SHROOM3: variants seen among roughly 807,000 people sequenced by gnomAD.
The protein encoded by SHROOM3 is shroom family member 3.
In SHROOM3, 47 loss-of-function variants were observed where a neutral mutation model predicts 138.6. The ratio of observed to expected loss-of-function variants is 0.34; its 90% CI spans 0.27 to 0.43. The LOEUF is 0.43. Among genes scored for constraint, SHROOM3 ranks in the 20% least tolerant of loss-of-function variants. SHROOM3 has a pLI of 1.00. For missense variants in SHROOM3, 2,491 were observed against 2,596.5 expected (o/e 0.96, Z 0.88); for synonymous variants, 1,062 against 1,063.3 (o/e 1.00, Z 0.02).
At chr4:76,451,760 C>T (rs147431585) in intron 1 of SHROOM3, among the ~76,000 whole-genome samples, 1 of 152,120 alleles carries the variant, frequency 6.6e-6, no homozygotes, top group African/African-American at 2.4e-5. Context: ...ATTGGAAGCA[C>T]AAAACAAAAT....
chr4:76,661,374 C>A (rs1363107030), intron 2 of SHROOM3, among the ~76,000 whole-genome samples: 1 of 152,052 alleles, frequency 6.6e-6, no homozygotes, highest in African/African-American at 2.4e-5. Context: ...GGAATACAAG[C>A]GCCCGCCACC....
chr4:76,764,443 T>C (rs1027919698), intron 9 of SHROOM3, among the ~76,000 whole-genome samples: 3 of 152,246 alleles, frequency 2.0e-5, no homozygotes, highest in Non-Finnish European at 4.4e-5. Flanking sequence ...GATCACTGGT[T>C]CTCAGCTGCC....
chr4:76,729,507 G>C (rs574261330), intron 3 of SHROOM3, among the ~76,000 whole-genome samples: 1 of 152,300 alleles, frequency 6.6e-6, no homozygotes, highest in South Asian at 2.1e-4. Flanking sequence ...TGAAGTATAT[G>C]TTTGTGTTTT....
intron 2 of SHROOM3, among the ~76,000 whole-genome samples, chr4:76,588,902 A>C (rs1380540445): frequency 1.8e-5 from 1 of 56,706 alleles, no homozygotes; most frequent in Non-Finnish European, 3.5e-5. Context: ...AAAAATAAAC[A>C]AAAAAAAAAT....
chr4:76,653,224 C>A (rs1317414665), intron 2 of SHROOM3, among the ~76,000 whole-genome samples: 1 of 152,060 alleles, frequency 6.6e-6, no homozygotes, highest in Non-Finnish European at 1.5e-5. Flanking sequence ...ATATTGAATT[C>A]TTCCATGTGC....
chr4:76,712,603 G>A (rs1280796579), intron 3 of SHROOM3, among the ~76,000 whole-genome samples: 1 of 152,196 alleles, frequency 6.6e-6, no homozygotes, highest in Non-Finnish European at 1.5e-5. Context: ...ATGTCTGTAT[G>A]GAGAACATAA....
intron 9 of SHROOM3, among the ~76,000 whole-genome samples, chr4:76,767,213 A>T (rs1722185327): frequency 6.6e-6 from 1 of 152,168 alleles, no homozygotes; most frequent in African/African-American, 2.4e-5. Flanking sequence ...CCACCCCTGC[A>T]GTGTTGCTGA....
Position 76,543,995 on chromosome 4 carries a change from T to TCGTGGATTTCAATA in SHROOM3, c.169-11612_169-11599dup, listed in dbSNP as rs527665358. Among the ~76,000 whole-genome samples the TCGTGGATTTCAATA allele has an allele frequency of 1.2e-4, 19 of 152,342 alleles. No individual in the cohort carries two copies. In the South Asian group the frequency reaches 3.9e-3, roughly 32 times the overall value. On this transcript the variant is annotated intron_variant, in intron 1 of 10. Transcript: ENST00000296043. ...CACTAGTGCCCTAAGTCTTCTCTAA[T>TCGTGGATTTCAATA]CGTGGATTTCAATACCATTATCCTC...
At chr4:76,590,742 A>C (rs373528323) in intron 2 of SHROOM3, among the ~76,000 whole-genome samples, 12 of 152,060 alleles carry the variant, frequency 7.9e-5, no homozygotes, top group African/African-American at 1.9e-4. Flanking sequence ...TTGGAAAAGA[A>C]TGGAGGTGAA....
At chr4:76,688,498 G>A (rs1439940613) in intron 2 of SHROOM3, 1 of 985,166 alleles carries the variant, frequency 1.0e-6, no homozygotes, top group African/African-American at 1.7e-5. Flanking sequence ...CAGGGATTCT[G>A]CTTGAATGAG....
intron 1 of SHROOM3, among the ~76,000 whole-genome samples, chr4:76,516,493 C>G (rs539481572): frequency 1.9e-4 from 29 of 152,174 alleles, no homozygotes; most frequent in African/African-American, 6.5e-4. Context: ...TAAGCCCCTA[C>G]TCAGGAGCCT....
In SHROOM3 at chr4:76,435,312, G is replaced by A. The variant is rs1730540770; in HGVS notation, c.-741G>A. The A allele has an allele frequency of 6.6e-6, 1 of 152,204 alleles. No homozygotes were observed. Among genetic ancestry groups the A allele is most frequent in the Admixed American group, 6.5e-5 (1 of 15,284 alleles). The allele number at this position is 152,204 out of a possible 1,614,324, so 9.4% of individuals were successfully genotyped here. A position where few individuals can be genotyped will look rare whatever the true frequency, so the allele number is the denominator to read the frequency against. Reference sequence around the variant, plus strand: ...ACTGAAAATACCAAAGAAAAGAACTGAGCTGCCTCCTTCATATTTTTTCCA... The same window carrying A: ...ACTGAAAATACCAAAGAAAAGAACTAAGCTGCCTCCTTCATATTTTTTCCA... On this transcript the variant is annotated 5_prime_UTR_variant, in exon 1 of 11. Transcript: ENST00000296043.
At chr4:76,658,525 G>A (rs561111658) in intron 2 of SHROOM3, among the ~76,000 whole-genome samples, 1 of 152,280 alleles carries the variant, frequency 6.6e-6, no homozygotes, top group South Asian at 2.1e-4. Flanking sequence ...GGATAAACTA[G>A]ACAAACTGTT....
At chr4:76,567,171 T>C (rs1306468647) in intron 2 of SHROOM3, among the ~76,000 whole-genome samples, 2 of 152,160 alleles carry the variant, frequency 1.3e-5, no homozygotes, top group African/African-American at 4.8e-5. Context: ...GGTTAGTGTG[T>C]TTATTGTTTA....
In SHROOM3 at chr4:76,759,587, T is replaced by C. The variant is rs745952220; in HGVS notation, c.5241T>C (p.Pro1747=). Residue 1747 remains proline (P), a synonymous_variant, in exon 9 of 11, where the codon CCT becomes CCC. Transcript: ENST00000296043. ...KEAVSMLVNC[P]AYYSVSAPKA... ...CAGTGAGCATGTTGGTTAACTGCCC[T>C]GCCTACTACAGTGTGTCTGCTCCCA... is the stretch of plus-strand genomic sequence containing the variant. 8.1e-6 allele frequency: 13 copies of C among 1,614,104 alleles called. No individual in the cohort carries two copies. Among genetic ancestry groups the C allele is most frequent in the Non-Finnish European group, 1.1e-5 (13 of 1,180,036 alleles).
intron 6 of SHROOM3, among the ~76,000 whole-genome samples, chr4:76,752,216 G>A (rs1464725165): frequency 6.6e-6 from 1 of 152,160 alleles, no homozygotes; most frequent in African/African-American, 2.4e-5. Context: ...AAGACATACT[G>A]TATAATTTCA....
chr4:76,771,777 C>T (rs1388281891), intron 10 of SHROOM3, among the ~76,000 whole-genome samples: 1 of 152,162 alleles, frequency 6.6e-6, no homozygotes, highest in Non-Finnish European at 1.5e-5. Flanking sequence ...AGGAGGAGTC[C>T]TACTGCAGAC....
At chr4:76,550,333 CAA>C (rs1030351043) in intron 1 of SHROOM3, among the ~76,000 whole-genome samples, 4 of 152,068 alleles carry the variant, frequency 2.6e-5, no homozygotes, top group Non-Finnish European at 5.9e-5. Context: ...TTTCTGACCT[CAA>C]AGAGTTTAGG....
At position 76,739,871 on chromosome 4, in the gene SHROOM3, G is replaced by C. The variant is rs908042646; in HGVS notation, c.1698G>C (p.Glu566Asp). The change falls in exon 5 of 11, where the codon GAG becomes GAC. Residue 566 changes from glutamate to aspartate, a missense_variant. This residue lies in a region of SHROOM3 where 1,733 missense variants were observed against 1,661.6 expected (regional missense o/e 1.04). Transcript: ENST00000296043. ...ATTTCTGTTCAGTGCCTGAAAATGA[G>C]GAGGATGCCTCCCTGAAGAGACATC... Reference protein sequence around the residue: ...KVHFCSVPENEEDASLKRHLT... With the variant: ...KVHFCSVPENDEDASLKRHLT... 7 of 1,614,078 alleles carry C rather than the reference G, an allele frequency of 4.3e-6. No individual in the cohort carries two copies. Among genetic ancestry groups the C allele is most frequent in the South Asian group, 1.1e-5 (1 of 91,092 alleles).
Sources: gnomAD v4.1 joint callset for allele counts (sites outside exome capture counted in the v4.1 genomes callset) on GRCh38, gnomAD v4.1.1 for gene constraint, gnomAD v4.1.1 regional missense constraint, MANE v1.5 for transcripts, NCBI Gene and HGNC (gene_info 2026-07-23, HGNC 2026-07-21) for gene names.